Variants in ZNF532 observed in about 807,000 individuals in gnomAD.
The protein encoded by ZNF532 is zinc finger protein 532.
A neutral mutation model predicts 89.3 loss-of-function variants in ZNF532; 22 were observed. The ratio of observed to expected loss-of-function variants is 0.25; its 90% CI spans 0.18 to 0.35. ZNF532 has a LOEUF of 0.35. ZNF532 is among the 10% of genes least tolerant of loss of function. The probability of loss-of-function intolerance (pLI) is 1.00; values close to 1 mark genes in which losing one functional copy is unlikely to be tolerated. For missense variants in ZNF532, 1,132 were observed against 1,643.4 expected (o/e 0.69, Z 5.38); for synonymous variants, 606 against 649.6 (o/e 0.93, Z 1.02).
At chr18:58,963,606 T>A (rs2065587393) in intron 7 of ZNF532, among the ~76,000 whole-genome samples, 1 of 16,642 alleles carries the variant, frequency 6.0e-5, no homozygotes, top group African/African-American at 1.6e-4. Context: ...GAAAAAAATG[T>A]GTGTGTGTGT....
chr18:58,940,970 T>A (rs1328470672), intron 5 of ZNF532, among the ~76,000 whole-genome samples: 11 of 102,678 alleles, frequency 1.1e-4, no homozygotes, highest in African/African-American at 1.8e-4. Context: ...TCTTTCTCTC[T>A]CTCTCTCTCT....
intron 2 of ZNF532, among the ~76,000 whole-genome samples, chr18:58,878,354 G>A (rs189300763): frequency 1.3e-5 from 2 of 152,350 alleles, no homozygotes; most frequent in African/African-American, 4.8e-5. Context: ...CGGTGAAATA[G>A]GCAAGGACGG....
chr18:58,886,706 G>A (rs745722340), intron 2 of ZNF532, among the ~76,000 whole-genome samples: 22 of 152,116 alleles, frequency 1.4e-4, no homozygotes, highest in Non-Finnish European at 2.5e-4. Flanking sequence ...TGCACCAAAC[G>A]TTTTTGTACA....
At chr18:58,902,456 A>G (rs1364698763) in intron 2 of ZNF532, among the ~76,000 whole-genome samples, 3 of 148,688 alleles carry the variant, frequency 2.0e-5, no homozygotes, top group Admixed American at 6.7e-5. Context: ...AAACCTGTGT[A>G]TTCTTTTTCG....
chr18:58,977,463 G>A (rs1018602797), intron 7 of ZNF532: 1 of 152,104 alleles, frequency 6.6e-6, no homozygotes, highest in Non-Finnish European at 1.5e-5. Flanking sequence ...CTCATCTTAG[G>A]TGCTGCCGGC....
intron 2 of ZNF532, among the ~76,000 whole-genome samples, chr18:58,893,062 G>A (rs935959597): frequency 6.7e-6 from 1 of 148,944 alleles, no homozygotes; most frequent in African/African-American, 2.5e-5. Context: ...GCTCACTGCA[G>A]CCTCACCCTC....
Position 58,888,901 on chromosome 18 carries a change from AT to A in ZNF532, c.-18+23323del, listed in dbSNP as rs1488298071. Among the ~76,000 whole-genome samples, 3 of 83,312 alleles carry A rather than the reference AT, an allele frequency of 3.6e-5. 1 individual carries two copies. The highest frequency in any genetic ancestry group is 6.8e-5 in the Non-Finnish European group (3 of 43,886). 54.7% of individuals were successfully genotyped at this position (83,312 alleles called of 152,430 possible). On this transcript the variant is annotated intron_variant, in intron 2 of 9. Transcript: ENST00000591808. ...TTATATATATATATTTTATATATAT[AT>A]ATATATATATAATTCATACAGGCTG...
intron 7 of ZNF532, among the ~76,000 whole-genome samples, chr18:58,966,738 G>GTTTTTTTTT (rs540133909): frequency 3.2e-5 from 4 of 125,994 alleles, no homozygotes; most frequent in East Asian, 2.8e-4. Flanking sequence ...ATTTTTTTGT[G>GTTTTTTTTT]TTTTTTTTTT....
At chr18:58,876,313 T>C (rs551281270) in intron 2 of ZNF532, among the ~76,000 whole-genome samples, 157 of 152,240 alleles carry the variant, frequency 1.0e-3, no homozygotes, top group African/African-American at 3.6e-3. Flanking sequence ...CTAAGTAGCC[T>C]CCTGGTGCCA....
chr18:58,984,030 G>T lies in ZNF532; in HGVS notation c.3470G>T (p.Gly1157Val), dbSNP rs1352729528. The change falls in exon 10 of 10, where the codon GGA becomes GTA. Residue 1157 changes from glycine (G) to valine (V), a missense_variant. By Grantham distance (109) the Gly-to-Val change is moderately radical. Coordinates refer to ENST00000591808, the MANE Select transcript of ZNF532 (RefSeq NM_001375912.1). The stretch of plus-strand genomic sequence containing the variant: ...GTTCTGGAGTTCAGGCCTCCCCGAG[G>T]AGCAATCACTCAACCACTGAAAAAG... ...EPVLEFRPPR[G>V]AITQPLKKLK... 2.5e-6 allele frequency: 4 copies of T among 1,611,716 alleles called. No individual in the cohort carries two copies. Among genetic ancestry groups the T allele is most frequent in the Non-Finnish European group, 3.4e-6 (4 of 1,179,830 alleles).
chr18:58,956,630 C>G (rs1260204236), intron 7 of ZNF532, among the ~76,000 whole-genome samples: 1 of 152,186 alleles, frequency 6.6e-6, no homozygotes, highest in East Asian at 1.9e-4. Flanking sequence ...CAGGCGAGCA[C>G]CTTGCTGTCT....
intron 9 of ZNF532, among the ~76,000 whole-genome samples, chr18:58,982,343 G>T (rs1183711664): frequency 1.3e-5 from 2 of 151,532 alleles, no homozygotes; most frequent in African/African-American, 4.9e-5. Context: ...AGTTTAGGCC[G>T]GACACAGTGG....
chr18:58,904,545 T>C (rs2059804800), intron 2 of ZNF532, among the ~76,000 whole-genome samples: 1 of 152,120 alleles, frequency 6.6e-6, no homozygotes, highest in African/African-American at 2.4e-5. Flanking sequence ...CTGGCATTGT[T>C]AGACGATACC....
Position 58,986,476 on chromosome 18 carries a change from C to T in ZNF532, c.*2010C>T, listed in dbSNP as rs1399321465. 6.6e-6 allele frequency: 1 copy of T among 152,606 alleles called. No homozygotes were observed. Among genetic ancestry groups the T allele is most frequent in the Non-Finnish European group, 1.5e-5 (1 of 68,026 alleles). 9.5% of individuals were successfully genotyped at this position (152,606 alleles called of 1,614,324 possible). On this transcript the variant is annotated 3_prime_UTR_variant, in exon 10 of 10. Transcript: ENST00000591808. ...CAACAAATAAAAAGTATGTACAAAA[C>T]ATGATACAGAATTTTTGTTTTTGGC...
chr18:58,939,737 G>A (rs1345845853), intron 5 of ZNF532, 116 bp downstream of exon 5: 6 of 963,784 alleles, frequency 6.2e-6, no homozygotes, highest in Admixed American at 2.9e-5. Context: ...ATGCAGCTAT[G>A]CCAATTTTGA....
At chr18:58,930,257 T>C (rs751790391) in intron 3 of ZNF532, among the ~76,000 whole-genome samples, 16 of 152,304 alleles carry the variant, frequency 1.1e-4, no homozygotes, top group Non-Finnish European at 1.8e-4. Context: ...GGCCAGAATG[T>C]ACCTGGTTCC....
intron 2 of ZNF532, among the ~76,000 whole-genome samples, chr18:58,900,556 G>A (rs1030533388): frequency 2.0e-5 from 3 of 152,106 alleles, no homozygotes; most frequent in Non-Finnish European, 2.9e-5. Context: ...AGGACTGACC[G>A]TCCCCACCTC....
At chr18:58,955,476 G>C (rs961670381) in intron 7 of ZNF532, among the ~76,000 whole-genome samples, 1 of 152,202 alleles carries the variant, frequency 6.6e-6, no homozygotes, top group Non-Finnish European at 1.5e-5. Context: ...ACTATATAGA[G>C]AGTACATAGA....
chr18:58,967,705 C>T (rs1456877099), intron 7 of ZNF532, among the ~76,000 whole-genome samples: 4 of 152,188 alleles, frequency 2.6e-5, no homozygotes, highest in Admixed American at 6.5e-5. Context: ...GCACGGCATT[C>T]GGTCTCCCAC....
Sources: allele counts gnomAD v4.1 joint callset (sites outside exome capture counted in the v4.1 genomes callset), GRCh38; gene constraint gnomAD v4.1.1; transcripts MANE v1.5; gene names NCBI Gene and HGNC (gene_info 2026-07-23, HGNC 2026-07-21).